Variants in CHST9 observed in about 807,000 individuals in gnomAD.
CHST9 encodes carbohydrate sulfotransferase 9.
Under a neutral mutation model 44.4 loss-of-function variants are expected in CHST9, and 41 were observed. The ratio of observed to expected loss-of-function variants is 0.92; its 90% CI spans 0.72 to 1.20. The LOEUF (loss-of-function observed/expected upper bound fraction) is 1.20, where lower values mean the gene tolerates loss of function less well. Ranked by LOEUF, CHST9 falls within the 50% of genes most tolerant of loss-of-function variation. The pLI is 0.00. For missense variants in CHST9, 504 were observed against 516.5 expected, an observed-to-expected ratio of 0.98 and a Z score of 0.23; for synonymous variants, 171 against 178.4, an observed-to-expected ratio of 0.96 and a Z score of 0.33.
Position 26,922,188 on chromosome 18 carries a change from T to TA in CHST9, c.241-4839_241-4838insT, listed in dbSNP as rs556186340. ...TGCTTCTCTCTTAACACATGCCCTG[T>TA]CCTCCACTTGCTTTTATCTGGGCTC... On this transcript the variant is annotated intron_variant, in intron 5 of 5. Coordinates refer to ENST00000618847, the MANE Select transcript of CHST9 (RefSeq NM_031422.6). Among the ~76,000 whole-genome samples, 513 of 152,294 alleles carry TA rather than the reference T, an allele frequency of 3.4e-3. 7 individuals are homozygous for TA. The highest frequency in any genetic ancestry group is 0.011 in the African/African-American group (456 of 41,548).
At chr18:26,959,762 TAAAG>T (rs1685588912) in intron 4 of CHST9, among the ~76,000 whole-genome samples, 2 of 152,186 alleles carry the variant, frequency 1.3e-5, no homozygotes, top group African/African-American at 4.8e-5. Flanking sequence ...TCTAGATACT[TAAAG>T]AAATATTTTT....
chr18:27,145,899 A>G (rs143846185), intron 1 of CHST9, among the ~76,000 whole-genome samples: 20 of 152,350 alleles, frequency 1.3e-4, no homozygotes, highest in South Asian at 6.2e-4. Context: ...GCTGCCATTA[A>G]ACAATGAACA....
intron 1 of CHST9, among the ~76,000 whole-genome samples, chr18:27,169,732 G>A (rs1021340107): frequency 2.7e-5 from 4 of 147,678 alleles, no homozygotes; most frequent in African/African-American, 7.5e-5. Flanking sequence ...TCAGCCTCCC[G>A]AGCAGCTGGG....
At chr18:26,961,510 G>A (rs1463672124) in intron 4 of CHST9, among the ~76,000 whole-genome samples, 1 of 151,892 alleles carries the variant, frequency 6.6e-6, no homozygotes, top group East Asian at 1.9e-4. Context: ...GCTCACTGCA[G>A]CCTCGAACTC....
intron 5 of CHST9, chr18:26,933,792 A>C (rs2055925113): frequency 6.5e-6 from 1 of 153,384 alleles, no homozygotes; most frequent in Non-Finnish European, 1.5e-5. Context: ...CAAACAAGGA[A>C]AAAATTGGAC....
intron 2 of CHST9, among the ~76,000 whole-genome samples, chr18:27,122,383 G>A (rs1044276171): frequency 1.3e-5 from 2 of 152,134 alleles, no homozygotes; most frequent in African/African-American, 4.8e-5. Context: ...ATTGTGAGTA[G>A]ACCTCTATTC....
At chr18:27,046,728 T>A (rs969003499) in intron 3 of CHST9, among the ~76,000 whole-genome samples, 1 of 152,044 alleles carries the variant, frequency 6.6e-6, no homozygotes, top group Non-Finnish European at 1.5e-5. Flanking sequence ...TGTTACAAAT[T>A]TAGATTTCCT....
At chr18:27,057,764 C>T (rs941690125) in intron 2 of CHST9, among the ~76,000 whole-genome samples, 2 of 152,210 alleles carry the variant, frequency 1.3e-5, no homozygotes, top group Admixed American at 6.6e-5. Context: ...GTCTGCCATC[C>T]GGCATAGCGT....
At chr18:27,005,253 A>C (rs1264358428) in intron 4 of CHST9, among the ~76,000 whole-genome samples, 2 of 152,210 alleles carry the variant, frequency 1.3e-5, no homozygotes, top group African/African-American at 4.8e-5. Flanking sequence ...TGTAGGGATT[A>C]AATGAGATAT....
intron 5 of CHST9, among the ~76,000 whole-genome samples, chr18:26,937,878 T>C (rs572247464): frequency 1.3e-5 from 2 of 152,180 alleles, no homozygotes; most frequent in Non-Finnish European, 2.9e-5. Flanking sequence ...AATTACTAAA[T>C]CTGATTTCAA....
intron 3 of CHST9, among the ~76,000 whole-genome samples, chr18:27,047,485 G>T (rs1268617478): frequency 6.6e-6 from 1 of 151,390 alleles, no homozygotes; most frequent in African/African-American, 2.4e-5. Context: ...GGAAATTCAT[G>T]CAGGTATTAA....
chr18:27,155,427 G>C (rs547818367), intron 1 of CHST9, among the ~76,000 whole-genome samples: 90 of 152,140 alleles, frequency 5.9e-4, no homozygotes, highest in African/African-American at 2.1e-3. Context: ...CACCTATTAG[G>C]CCCAGATATG....
chr18:27,142,786 C>A lies in CHST9; in HGVS notation c.24G>T (p.Met8Ile). ...CAGAGAGGAAGACTTGTTTGGGGTTCATGACCATTTCAGATGGCTGCATTT... is the reference window on the plus strand; with the variant it reads ...CAGAGAGGAAGACTTGTTTGGGGTTAATGACCATTTCAGATGGCTGCATTT... MQPSEMV[M>I]NPKQVFLSVL... is the part of the protein sequence containing the mutation. The change falls in exon 2 of 6, where the codon ATG (methionine) becomes ATT (isoleucine). Residue 8 changes from methionine to isoleucine, a missense_variant. Transcript: ENST00000618847. The A allele has an allele frequency of 6.2e-7, 1 of 1,610,546 alleles. No individual in the cohort carries two copies. Among genetic ancestry groups the A allele is most frequent in the African/African-American group, 1.3e-5 (1 of 74,918 alleles).
intron 2 of CHST9, among the ~76,000 whole-genome samples, chr18:27,116,959 T>C (rs2058327418): frequency 1.3e-5 from 2 of 151,794 alleles, no homozygotes; most frequent in African/African-American, 4.8e-5. Flanking sequence ...TGCCACCTCA[T>C]TGAAGTCATT....
chr18:26,947,408 A>G (rs2056180334), intron 4 of CHST9, among the ~76,000 whole-genome samples: 1 of 152,184 alleles, frequency 6.6e-6, no homozygotes, highest in Non-Finnish European at 1.5e-5. Context: ...GACAAATGGG[A>G]TCTAATTAAA....
chr18:26,929,854 T>C (rs2055844702), intron 5 of CHST9, among the ~76,000 whole-genome samples: 1 of 152,146 alleles, frequency 6.6e-6, no homozygotes, highest in Non-Finnish European at 1.5e-5. Context: ...AGCTGGGGGC[T>C]ATGACGTAAG....
intron 3 of CHST9, among the ~76,000 whole-genome samples, chr18:27,026,641 T>C (rs2057288293): frequency 6.6e-6 from 1 of 152,164 alleles, no homozygotes; most frequent in African/African-American, 2.4e-5. Flanking sequence ...GTCCATACAA[T>C]CAATATAGAC....
At chr18:27,011,000 G>C (rs2057077149) in intron 4 of CHST9, among the ~76,000 whole-genome samples, 1 of 152,140 alleles carries the variant, frequency 6.6e-6, no homozygotes, top group South Asian at 2.1e-4. Flanking sequence ...TTGGGGTGGG[G>C]CCAGGTATTC....
intron 4 of CHST9, among the ~76,000 whole-genome samples, chr18:26,980,486 A>G (rs2056678878): frequency 6.6e-6 from 1 of 152,198 alleles, no homozygotes; most frequent in South Asian, 2.1e-4. Flanking sequence ...AAACTTTGAC[A>G]GAATTAATGT....
Sources: gnomAD v4.1 joint callset for allele counts (sites outside exome capture counted in the v4.1 genomes callset) on GRCh38, gnomAD v4.1.1 for gene constraint, MANE v1.5 for transcripts, NCBI Gene and HGNC (gene_info 2026-07-23, HGNC 2026-07-21) for gene names.